Variants in PSTPIP2 observed in about 807,000 individuals in gnomAD.
PSTPIP2 encodes proline-serine-threonine phosphatase interacting protein 2.
In PSTPIP2, 33 loss-of-function variants were observed where a neutral mutation model predicts 63.3. The observed-to-expected ratio is 0.52, with a 90% CI of 0.40 to 0.70. The LOEUF (loss-of-function observed/expected upper bound fraction) is 0.70. Ranked by LOEUF, PSTPIP2 falls within the 30% of genes least tolerant of loss-of-function variation. The pLI, the probability that PSTPIP2 is intolerant of heterozygous loss-of-function variation, is 0.00. For synonymous variants in PSTPIP2, 125 were observed against 132.7 expected (o/e 0.94, Z 0.40); for missense variants, 312 against 400.7 (o/e 0.78, Z 1.89).
intron 1 of PSTPIP2, among the ~76,000 whole-genome samples, chr18:46,050,023 C>T (rs202133604): frequency 1.3e-4 from 20 of 152,026 alleles, no homozygotes; most frequent in East Asian, 7.7e-4. Context: ...GGCAAACAAA[C>T]GAGATATAAT....
intron 6 of PSTPIP2, among the ~76,000 whole-genome samples, chr18:46,004,725 G>T (rs1221896665): frequency 6.6e-6 from 1 of 151,788 alleles, no homozygotes; most frequent in Non-Finnish European, 1.5e-5. Flanking sequence ...TCTTTCCAAG[G>T]CCTTAAAAAA....
Position 45,984,829 on chromosome 18 carries a change from C to T in PSTPIP2, c.*630G>A, listed in dbSNP as rs185977380. On this transcript the variant is annotated 3_prime_UTR_variant, in exon 15 of 15. Coordinates refer to ENST00000409746, the MANE Select transcript of PSTPIP2 (RefSeq NM_024430.4). ...GCATCTTAAATTTCAGCATGAGCATCACAACTTCAGGAAGGGTTAGAAGAA... is the reference window on the plus strand; with the variant it reads ...GCATCTTAAATTTCAGCATGAGCATTACAACTTCAGGAAGGGTTAGAAGAA... The T allele has an allele frequency of 6.6e-6, 1 of 152,312 alleles. No homozygotes were observed. The highest frequency in any genetic ancestry group is 1.9e-4 in the East Asian group (1 of 5,186). The allele number at this position is 152,312 out of a possible 1,614,324, so 9.4% of individuals were successfully genotyped here. A position where few individuals can be genotyped will look rare whatever the true frequency, so the allele number is the denominator to read the frequency against.
chr18:46,072,016 A>C, intron 1 of PSTPIP2, 140 bp downstream of exon 1: 2 of 1,148,910 alleles, frequency 1.7e-6, no homozygotes, highest in East Asian at 6.4e-5. Flanking sequence ...CGATCCCTTC[A>C]CGCGCGAGCT....
intron 1 of PSTPIP2, among the ~76,000 whole-genome samples, chr18:46,061,988 A>C (rs1909008712): frequency 6.6e-6 from 1 of 152,172 alleles, no homozygotes; most frequent in Non-Finnish European, 1.5e-5. Context: ...GTAACATTCA[A>C]ATAGAAGCAG....
chr18:46,029,772 C>A, intron 2 of PSTPIP2: 1 of 540,812 alleles, frequency 1.8e-6, no homozygotes, highest in Non-Finnish European at 3.4e-6. Context: ...CTCATGTTTA[C>A]GCCATGGAAT....
chr18:46,057,997 CAAAAA>C (rs71177701), intron 1 of PSTPIP2, among the ~76,000 whole-genome samples: 2 of 100,596 alleles, frequency 2.0e-5, no homozygotes, highest in Non-Finnish European at 2.0e-5. Context: ...GACTCCGTCT[CAAAAA>C]AAAAAAAAAA....
intron 1 of PSTPIP2, among the ~76,000 whole-genome samples, chr18:46,043,660 G>A (rs948296852): frequency 6.6e-6 from 1 of 152,096 alleles, no homozygotes; most frequent in South Asian, 2.1e-4. Flanking sequence ...CCAGTGCTAG[G>A]CAAGAAAAAG....
In PSTPIP2 at chr18:46,072,195, G is replaced by T; in HGVS notation, c.-7C>A. On this transcript the variant is annotated 5_prime_UTR_variant, in exon 1 of 15. Coordinates refer to ENST00000409746, the MANE Select transcript of PSTPIP2 (RefSeq NM_024430.4). ...TGAACAGTGAGCGCGTCATCGCAGC[G>T]CGAGTGGGGGCGCGGAGGAGAGCCG... 1 of 1,535,396 alleles carries T rather than the reference G, an allele frequency of 6.5e-7. No individual in the cohort carries two copies. The highest frequency in any genetic ancestry group is 1.4e-5 in the African/African-American group (1 of 71,112).
intron 1 of PSTPIP2, among the ~76,000 whole-genome samples, chr18:46,041,779 T>C (rs571173630): frequency 1.3e-5 from 2 of 152,282 alleles, no homozygotes; most frequent in East Asian, 1.9e-4. Context: ...ATTCAGACTA[T>C]AGTCCCTAAG....
At chr18:45,994,220 T>C (rs1263175066) in intron 9 of PSTPIP2, among the ~76,000 whole-genome samples, 3 of 152,196 alleles carry the variant, frequency 2.0e-5, no homozygotes, top group Non-Finnish European at 1.5e-5. Context: ...AGATACAGTA[T>C]TTTGGATATA....
rs756384731 is a variant in PSTPIP2, at chr18:46,006,360, C to CTTTTTTTTTTTTTTTTTTTTT, written c.355-850_355-830dup. ...TGAGCCACCATGCCCAGCCCTGGTA[C>CTTTTTTTTTTTTTTTTTTTTT]TTTTTTTTTTTTTTTTTTTTTTTTT... On this transcript the variant is annotated intron_variant, in intron 5 of 14. Transcript: ENST00000409746. Among the ~76,000 whole-genome samples, 12 of 115,628 alleles carry CTTTTTTTTTTTTTTTTTTTTT rather than the reference C, an allele frequency of 1.0e-4. 6 individuals carry two copies. The highest frequency in any genetic ancestry group is 2.0e-4 in the Admixed American group (2 of 10,182). 75.9% of individuals were successfully genotyped at this position (115,628 alleles called of 152,430 possible).
chr18:46,046,028 A>C (rs1908372854), intron 1 of PSTPIP2, among the ~76,000 whole-genome samples: 1 of 152,274 alleles, frequency 6.6e-6, no homozygotes, highest in African/African-American at 2.4e-5. Context: ...ACAGACCAAC[A>C]GAACAGAATA....
chr18:46,070,902 G>A (rs1025937238), intron 1 of PSTPIP2, among the ~76,000 whole-genome samples: 9 of 152,150 alleles, frequency 5.9e-5, no homozygotes, highest in African/African-American at 2.2e-4. Flanking sequence ...TATTTCTGGG[G>A]CCCACATCTC....
At chr18:46,051,489 T>G (rs1321826813) in intron 1 of PSTPIP2, among the ~76,000 whole-genome samples, 1 of 151,992 alleles carries the variant, frequency 6.6e-6, no homozygotes, top group Non-Finnish European at 1.5e-5. Context: ...AAAAAAAAAT[T>G]GAACATAAAA....
At chr18:46,010,026 C>T (rs2051778731) in intron 5 of PSTPIP2, among the ~76,000 whole-genome samples, 1 of 152,196 alleles carries the variant, frequency 6.6e-6, no homozygotes, top group East Asian at 1.9e-4. Context: ...GTAAAAGGAA[C>T]AGCACAAGTA....
At chr18:46,060,771 T>A (rs1451692657) in intron 1 of PSTPIP2, among the ~76,000 whole-genome samples, 2 of 152,262 alleles carry the variant, frequency 1.3e-5, no homozygotes, top group African/African-American at 2.4e-5. Context: ...CTTTGCCCTC[T>A]GAGAGCAGAC....
intron 12 of PSTPIP2, 43 bp downstream of exon 12, chr18:45,991,859 G>A: frequency 6.6e-7 from 1 of 1,504,342 alleles, no homozygotes; most frequent in East Asian, 2.3e-5. Flanking sequence ...AACAATGTTT[G>A]TTAAAAGTAT....
At chr18:46,069,414 G>A (rs1409115546) in intron 1 of PSTPIP2, among the ~76,000 whole-genome samples, 1 of 152,188 alleles carries the variant, frequency 6.6e-6, no homozygotes, top group Non-Finnish European at 1.5e-5. Context: ...ACAGGGAAGG[G>A]TGGGAGAGAA....
chr18:46,022,846 G>A (rs529072910), intron 3 of PSTPIP2, among the ~76,000 whole-genome samples: 7 of 152,174 alleles, frequency 4.6e-5, no homozygotes, highest in African/African-American at 1.7e-4. Flanking sequence ...AATGATGCAA[G>A]GAAGACATAG....
Sources: gnomAD v4.1 joint callset for allele counts (sites outside exome capture counted in the v4.1 genomes callset) on GRCh38, gnomAD v4.1.1 for gene constraint, MANE v1.5 for transcripts, NCBI Gene and HGNC (gene_info 2026-07-23, HGNC 2026-07-21) for gene names.